The following FRMD3 variants were observed in gnomAD, a reference collection of about 807,000 sequenced individuals.
FRMD3 encodes FERM domain-containing protein 3.
FRMD3 carries 33 observed loss-of-function variants against 70.2 expected under a neutral mutation model. The observed-to-expected ratio is 0.47, with a 90% confidence interval of 0.36 to 0.63. FRMD3 has a LOEUF of 0.63. Ranked by LOEUF, FRMD3 falls within the 20% of genes least tolerant of loss-of-function variation. FRMD3 has a pLI of 0.00. For missense variants in FRMD3, 632 were observed against 711.4 expected (o/e 0.89, Z 1.27); for synonymous variants, 279 against 255.9 (o/e 1.09, Z -0.86).
the FRMD3 span, among the ~76,000 whole-genome samples, chr9:83,584,361 TCTC>T: frequency 5.3e-5 from 8 of 151,634 alleles, no homozygotes; most frequent in South Asian, 2.1e-4. Context: ...CCCCCGATTA[TCTC>T]CTCCTCCTCC....
chr9:83,344,969 T>C (rs2131169739), intron 4 of FRMD3, among the ~76,000 whole-genome samples: 1 of 138,752 alleles, frequency 7.2e-6, no homozygotes, highest in South Asian at 2.3e-4. Flanking sequence ...AATCCCCATT[T>C]TAAAGGCAAA....
chr9:83,538,337 C>G lies in FRMD3; in HGVS notation c.-106G>C, dbSNP rs1358996852. ...CTGTCCGGGACACCTGGGCGCGGCT[C>G]AGCCCCGGGACATCGGCAGCGTCGG... On this transcript the variant is annotated 5_prime_UTR_variant, in exon 1 of 14. The change abolishes the stop of an existing upstream ORF in the 5' untranslated region. Coordinates refer to ENST00000304195, the MANE Select transcript of FRMD3 (RefSeq NM_174938.6). This position sits in a 1 kb window ranked among gnomAD's most constrained non-coding sequence, Gnocchi z 4.7. 2 of 1,117,732 alleles carry G rather than the reference C, an allele frequency of 1.8e-6. No individual in the cohort carries two copies. Among genetic ancestry groups the G allele is most frequent in the African/African-American group, 1.6e-5 (1 of 61,396 alleles). The allele number at this position is 1,117,732 out of a possible 1,614,324, so 69.2% of individuals were successfully genotyped here.
rs73468292 is a variant in FRMD3, at chr9:83,537,764, G to T, written c.147+321C>A. 0.02 allele frequency among the ~76,000 whole-genome samples: 3,094 copies of T among 152,280 alleles called. 111 individuals carry two copies. Among genetic ancestry groups the T allele is most frequent in the African/African-American group, 0.07 (2,908 of 41,558 alleles). ...GAGCTCCCATCTCCTGGCGGAGTAG[G>T]GCCCAGAGGGGCCAGAGTCCCTCCG... On this transcript the variant is annotated intron_variant, in intron 1 of 13. Transcript: ENST00000304195. This position sits in a 1 kb window ranked among gnomAD's most constrained non-coding sequence, Gnocchi z 4.1.
At chr9:83,323,852 T>C (rs1238423616) in intron 6 of FRMD3, among the ~76,000 whole-genome samples, 2 of 152,226 alleles carry the variant, frequency 1.3e-5, no homozygotes, top group Non-Finnish European at 2.9e-5. Flanking sequence ...CTCTCACCTA[T>C]TGTTGGTGTG....
Position 83,246,613 on chromosome 9 carries a change from C to G in FRMD3, c.*1305G>C, listed in dbSNP as rs1832110525. On this transcript the variant is annotated 3_prime_UTR_variant, in exon 14 of 14. Coordinates refer to ENST00000304195, the MANE Select transcript of FRMD3 (RefSeq NM_174938.6). ...TATAATGACCACCGCAAAACATGAT[C>G]ATGGACATGTATCAAAAAGCCATTC... 41 of 984,676 alleles carry G rather than the reference C, an allele frequency of 4.2e-5. No individual in the cohort carries two copies. The highest frequency in any genetic ancestry group is 4.9e-5 in the Non-Finnish European group (41 of 829,788). The allele number at this position is 984,676 out of a possible 1,614,324, so 61.0% of individuals were successfully genotyped here. A position where few individuals can be genotyped will look rare whatever the true frequency, so the allele number is the denominator to read the frequency against.
intron 5 of FRMD3, among the ~76,000 whole-genome samples, chr9:83,339,512 A>G (rs1823687870): frequency 6.6e-6 from 1 of 152,206 alleles, no homozygotes; most frequent in Non-Finnish European, 1.5e-5. Flanking sequence ...ATGGGTGAGT[A>G]AGGTCAGAAA....
chr9:83,390,833 T>C (rs1456380143), intron 1 of FRMD3, among the ~76,000 whole-genome samples: 1 of 152,218 alleles, frequency 6.6e-6, no homozygotes, highest in East Asian at 1.9e-4. Flanking sequence ...AGCTACTTTT[T>C]CAATCCACTA....
intron 13 of FRMD3, among the ~76,000 whole-genome samples, chr9:83,283,549 T>A (rs28507519): frequency 0.037 from 366 of 10,004 alleles, 1 homozygote; most frequent in Middle Eastern, 0.17. Context: ...AAAAAAAAAA[T>A]AATAATAATA....
intron 1 of FRMD3, among the ~76,000 whole-genome samples, chr9:83,524,514 GTGTGATC>G: frequency 6.6e-6 from 1 of 152,190 alleles, no homozygotes; most frequent in African/African-American, 2.4e-5. Flanking sequence ...CTACCCAGAG[GTGTGATC>G]TGTGTATGGC....
chr9:83,445,289 A>G (rs999007317), intron 1 of FRMD3, among the ~76,000 whole-genome samples: 14 of 151,884 alleles, frequency 9.2e-5, no homozygotes, highest in African/African-American at 3.1e-4. Flanking sequence ...AGCCGAGATC[A>G]CACCACTGCA....
intron 1 of FRMD3, among the ~76,000 whole-genome samples, chr9:83,396,369 C>A (rs903084369): frequency 4.5e-4 from 68 of 152,236 alleles, no homozygotes; most frequent in African/African-American, 1.6e-3. Flanking sequence ...AACTGCTTAG[C>A]AACCATACAT....
At chr9:83,298,602 C>T (rs1213468622) in intron 12 of FRMD3, 146 bp downstream of exon 12, 3 of 650,650 alleles carry the variant, frequency 4.6e-6, no homozygotes, top group African/African-American at 3.7e-5. Context: ...TGCCATGGCC[C>T]AGGCAAATCT....
At chr9:83,552,843 C>G in the FRMD3 span, among the ~76,000 whole-genome samples, 1 of 152,080 alleles carries the variant, frequency 6.6e-6, no homozygotes, top group Non-Finnish European at 1.5e-5. Flanking sequence ...TCCTCCATCC[C>G]TTTATTTTGA....
At chr9:83,487,352 C>G (rs964336511) in intron 1 of FRMD3, among the ~76,000 whole-genome samples, 1 of 152,150 alleles carries the variant, frequency 6.6e-6, no homozygotes, top group Non-Finnish European at 1.5e-5. Context: ...TTCCCTCCCC[C>G]AAAAAACAGC....
intron 6 of FRMD3, among the ~76,000 whole-genome samples, chr9:83,327,840 A>G (rs925380472): frequency 3.3e-5 from 5 of 152,188 alleles, no homozygotes; most frequent in Admixed American, 6.5e-5. Context: ...TCAATATCTC[A>G]TGCCTTTCTA....
chr9:83,394,865 T>C (rs1825769521), intron 1 of FRMD3, among the ~76,000 whole-genome samples: 1 of 152,198 alleles, frequency 6.6e-6, no homozygotes, highest in Non-Finnish European at 1.5e-5. Context: ...TCACCACTCA[T>C]CAGCTAAGTG....
intron 1 of FRMD3, among the ~76,000 whole-genome samples, chr9:83,447,689 A>G (rs891958017): frequency 1.3e-4 from 20 of 152,164 alleles, no homozygotes; most frequent in African/African-American, 3.9e-4. Flanking sequence ...ACCATCGGCA[A>G]TGGAGGAGAC....
At chr9:83,434,084 A>C (rs1827060347) in intron 1 of FRMD3, among the ~76,000 whole-genome samples, 1 of 152,252 alleles carries the variant, frequency 6.6e-6, no homozygotes, top group African/African-American at 2.4e-5. Context: ...GCAGGGAGGC[A>C]CAGTGTTTCT....
intron 9 of FRMD3, 61 bp from the exon 10 acceptor site, chr9:83,309,685 GT>G (rs5898823): frequency 0.25 from 219,613 of 865,830 alleles, 27,942 homozygotes; most frequent in East Asian, 0.43. Context: ...TTTTCCATGG[GT>G]TTTTTTTTTT....
Sources: gnomAD v4.1 joint callset for allele counts (sites outside exome capture counted in the v4.1 genomes callset) on GRCh38, gnomAD v4.1.1 for gene constraint, Gnocchi (gnomAD v3.1) non-coding constraint, MANE v1.5 for transcripts, NCBI Gene and HGNC (gene_info 2026-07-23, HGNC 2026-07-21) for gene names.